Variants in SIL1 observed in about 807,000 individuals in gnomAD.
SIL1 encodes the protein SIL1 nucleotide exchange factor.
A neutral mutation model predicts 49.1 loss-of-function variants in SIL1; 40 were observed. That is an observed-to-expected ratio of 0.81 (90% confidence interval 0.63 to 1.06). The LOEUF (loss-of-function observed/expected upper bound fraction) is 1.06, where lower values mean the gene tolerates loss of function less well. Ranked by LOEUF, SIL1 falls within the 50% of genes least tolerant of loss-of-function variation. The pLI, the probability that SIL1 is intolerant of heterozygous loss-of-function variation, is 0.00. For synonymous variants in SIL1, 253 were observed against 250.8 expected (o/e 1.01, Z -0.08); for missense variants, 500 against 572.6 (o/e 0.87, Z 1.29).
intron 1 of SIL1, among the ~76,000 whole-genome samples, chr5:139,178,248 C>T (rs745782901): frequency 3.0e-4 from 45 of 152,200 alleles, no homozygotes; most frequent in Non-Finnish European, 5.7e-4. Context: ...TCAAGATTGC[C>T]ATTTAGCTGA....
chr5:139,103,176 T>A (rs1400161986), intron 3 of SIL1, among the ~76,000 whole-genome samples: 1 of 152,124 alleles, frequency 6.6e-6, no homozygotes, highest in Non-Finnish European at 1.5e-5. Context: ...CGCAATGACA[T>A]CCCCACCCAA....
chr5:138,984,559 C>G (rs1428380523), intron 7 of SIL1, among the ~76,000 whole-genome samples: 1 of 151,994 alleles, frequency 6.6e-6, no homozygotes, highest in Non-Finnish European at 1.5e-5. Flanking sequence ...GGGTTTTGCC[C>G]TGTTGGCCAG....
At chr5:138,969,688 T>C (rs531967296) in intron 7 of SIL1, among the ~76,000 whole-genome samples, 96 of 152,298 alleles carry the variant, frequency 6.3e-4, no homozygotes, top group African/African-American at 2.2e-3. Flanking sequence ...AAATACCATA[T>C]ACGATCAGAA....
intron 1 of SIL1, among the ~76,000 whole-genome samples, chr5:139,180,197 G>A (rs1276952792): frequency 6.6e-6 from 1 of 151,500 alleles, no homozygotes; most frequent in East Asian, 1.9e-4. Flanking sequence ...TGACCAACAT[G>A]GGGAAACCTC....
chr5:139,074,407 T>G (rs7704790), intron 3 of SIL1, among the ~76,000 whole-genome samples: 61,350 of 152,034 alleles, frequency 0.4, 12,832 homozygotes, highest in Middle Eastern at 0.47. Context: ...ATACAAATTT[T>G]CCTGTCAATT....
At chr5:139,131,375 G>C (rs556830365) in intron 1 of SIL1, among the ~76,000 whole-genome samples, 1 of 151,842 alleles carries the variant, frequency 6.6e-6, no homozygotes, top group Non-Finnish European at 1.5e-5. Context: ...GACCCAAAGC[G>C]TGCCTGAACC....
At chr5:139,198,176 G>T (rs944317779) in intron 1 of SIL1, 93 bp downstream of exon 1, 2 of 152,344 alleles carry the variant, frequency 1.3e-5, no homozygotes, top group Non-Finnish European at 2.9e-5. Context: ...AACACTGCTG[G>T]GAAGGCGCCG....
At chr5:139,198,109 C>T (rs1752315770) in intron 1 of SIL1, among the ~76,000 whole-genome samples, 160 bp downstream of exon 1, 3 of 152,196 alleles carry the variant, frequency 2.0e-5, no homozygotes, top group Admixed American at 2.0e-4. Flanking sequence ...CAGGGAGCCC[C>T]GGGCCCACTT....
intron 3 of SIL1, among the ~76,000 whole-genome samples, chr5:139,098,543 C>T (rs1021862552): frequency 1.3e-5 from 2 of 152,122 alleles, no homozygotes; most frequent in Admixed American, 1.3e-4. Context: ...GCAAAGATTT[C>T]TTGAGCAGTA....
At chr5:138,970,958 C>T (rs1022450391) in intron 7 of SIL1, among the ~76,000 whole-genome samples, 4 of 151,930 alleles carry the variant, frequency 2.6e-5, no homozygotes, top group African/African-American at 9.7e-5. Context: ...ATTGGTCCTG[C>T]TTGTGTGACA....
intron 3 of SIL1, among the ~76,000 whole-genome samples, chr5:139,076,540 A>G (rs961999905): frequency 6.6e-6 from 1 of 152,214 alleles, no homozygotes; most frequent in Non-Finnish European, 1.5e-5. Context: ...TGATACAGTC[A>G]TTTGCGCTTT....
At chr5:139,099,944 A>G (rs75220621) in intron 3 of SIL1, among the ~76,000 whole-genome samples, 4,541 of 152,322 alleles carry the variant, frequency 0.03, 237 homozygotes, top group African/African-American at 0.1. Flanking sequence ...TGGACTGTTC[A>G]TAACACAAAG....
chr5:139,151,171 C>A (rs1055475007), intron 1 of SIL1, among the ~76,000 whole-genome samples: 28 of 152,238 alleles, frequency 1.8e-4, no homozygotes, highest in African/African-American at 6.5e-4. Context: ...AACCATTGGC[C>A]CCCACACCAG....
At chr5:139,091,319 AG>A (rs1373181685) in intron 3 of SIL1, among the ~76,000 whole-genome samples, 2 of 152,154 alleles carry the variant, frequency 1.3e-5, no homozygotes, top group Non-Finnish European at 2.9e-5. Context: ...AATATCATAG[AG>A]TGTTAATATC....
intron 4 of SIL1, among the ~76,000 whole-genome samples, chr5:139,049,451 A>T (rs1258497999): frequency 6.6e-6 from 1 of 151,592 alleles, no homozygotes; most frequent in Non-Finnish European, 1.5e-5. Flanking sequence ...TGCTGGGATT[A>T]CAGGTGTGAG....
intron 1 of SIL1, among the ~76,000 whole-genome samples, chr5:139,160,143 T>TCTCA (rs1554136432): frequency 1.5e-4 from 20 of 137,866 alleles, no homozygotes; most frequent in East Asian, 2.2e-4. Flanking sequence ...ATTTCCACAA[T>TCTCA]CACACACACA....
intron 7 of SIL1, among the ~76,000 whole-genome samples, chr5:139,010,350 A>C (rs1768225463): frequency 6.7e-6 from 1 of 149,058 alleles, no homozygotes; most frequent in African/African-American, 2.5e-5. Context: ...TGGTTATTCT[A>C]GTTATACATT....
chr5:139,097,362 G>A (rs549640385), intron 3 of SIL1, among the ~76,000 whole-genome samples: 1 of 152,172 alleles, frequency 6.6e-6, no homozygotes, highest in Non-Finnish European at 1.5e-5. Flanking sequence ...GTGAACATAG[G>A]CAATAGCCAG....
intron 3 of SIL1, among the ~76,000 whole-genome samples, chr5:139,051,445 C>G (rs1248433220): frequency 6.6e-6 from 1 of 152,150 alleles, no homozygotes; most frequent in East Asian, 1.9e-4. Context: ...TCCATGACAC[C>G]CTTCCTGCCC....
Sources: allele counts gnomAD v4.1 joint callset (sites outside exome capture counted in the v4.1 genomes callset), GRCh38; gene constraint gnomAD v4.1.1; transcripts MANE v1.5; gene names NCBI Gene and HGNC (gene_info 2026-07-23, HGNC 2026-07-21).